CLCA2: variants seen among roughly 807,000 people sequenced by gnomAD.
The protein encoded by CLCA2 is calcium-activated chloride channel regulator 2.
CLCA2 carries 85 observed loss-of-function variants against 82.9 expected under a neutral mutation model. That is an observed-to-expected ratio of 1.03 (90% CI 0.86 to 1.23). The LOEUF (loss-of-function observed/expected upper bound fraction) is 1.23. Ranked by LOEUF, CLCA2 falls within the 50% of genes most tolerant of loss-of-function variation. The probability of loss-of-function intolerance (pLI) is 0.00; values close to 1 mark genes in which losing one functional copy is unlikely to be tolerated. For missense variants in CLCA2, 1,089 were observed against 1,124.8 expected, an observed-to-expected ratio of 0.97 and a Z score of 0.45; for synonymous variants, 421 against 391.7, an observed-to-expected ratio of 1.07 and a Z score of -0.88.
chr1:86,440,291 A>T lies in CLCA2; in HGVS notation c.1347A>T (p.Ala449=). ...ACTCCATTGCCCTGGGTTCATCTGC[A>T]GCCCCAAATCTGGAGGAATTATCAC... is the stretch of plus-strand genomic sequence containing the variant. The part of the protein sequence containing the change: ...TIHSIALGSS[A]APNLEELSRL... The change falls in exon 8 of 14, where the codon GCA becomes GCT. Residue 449 remains alanine, a synonymous_variant. Transcript: ENST00000370565. 4 of 1,614,092 alleles carry T rather than the reference A, an allele frequency of 2.5e-6. No homozygotes were observed. The highest frequency in any genetic ancestry group is 3.4e-6 in the Non-Finnish European group (4 of 1,180,000).
chr1:86,455,521 A>G lies in CLCA2; in HGVS notation c.2826A>G (p.Leu942=). ...ACAAGAAAGAGAATGGAACAAAATT[A>G]TTATAAATAAATATCCAAAGTGTCT... is the stretch of plus-strand genomic sequence containing the variant. ...RADKKENGTK[L]L Residue 942 remains leucine (L), a synonymous_variant, in exon 14 of 14, where the codon TTA becomes TTG. Coordinates refer to ENST00000370565, the MANE Select transcript of CLCA2 (RefSeq NM_006536.7). 1.4e-6 allele frequency: 2 copies of G among 1,471,268 alleles called. No homozygotes were observed. Among genetic ancestry groups the G allele is most frequent in the South Asian group, 1.6e-5 (1 of 63,308 alleles). 91.1% of individuals were successfully genotyped at this position (1,471,268 alleles called of 1,614,324 possible).
chr1:86,450,414 T>A, intron 11 of CLCA2, 149 bp from the exon 12 acceptor site: 1 of 542,118 alleles, frequency 1.8e-6, no homozygotes, highest in East Asian at 3.3e-5. Flanking sequence ...TTGGATTTTT[T>A]ATCACCTGAG....
Position 86,433,599 on chromosome 1 carries a change from T to C in CLCA2, c.745-919T>C, listed in dbSNP as rs577688290. Among the ~76,000 whole-genome samples, 30 of 152,350 alleles carry C rather than the reference T, an allele frequency of 2.0e-4. No homozygotes were observed. The South Asian group carries it at 4.3e-3, about 22-fold the overall frequency. ...TTTGAAAGACCTACTCATAAATATC[T>C]TGTCAGAAAAGTTTTACAATCCCAT... On this transcript the variant is annotated intron_variant, in intron 5 of 13. Coordinates refer to ENST00000370565, the MANE Select transcript of CLCA2 (RefSeq NM_006536.7).
chr1:86,445,356 C>CTTTTTTTTTTT (rs1190239314), intron 10 of CLCA2: 2 of 88,964 alleles, frequency 2.2e-5, no homozygotes, highest in African/African-American at 4.5e-5. Context: ...AAGTGTTAAC[C>CTTTTTTTTTTT]TTTTTTTTTT....
intron 13 of CLCA2, among the ~76,000 whole-genome samples, chr1:86,454,091 G>A (rs1413341302): frequency 2.0e-5 from 3 of 152,076 alleles, no homozygotes; most frequent in Non-Finnish European, 4.4e-5. Context: ...TCTTATTCTC[G>A]CTTGGGTAAA....
chr1:86,430,971 G>T lies in CLCA2; in HGVS notation c.584+1G>T, dbSNP rs1328495839. On this transcript the variant is annotated splice_donor_variant, in intron 4 of 13. Coordinates refer to ENST00000370565, the MANE Select transcript of CLCA2 (RefSeq NM_006536.7). LOFTEE classifies it high-confidence loss of function. ...GGCAAAATCAAATTAAAGTGACAAG[G>T]TTAGTACTTTTTTTCATGTTATAAT... 4 of 1,589,160 alleles carry T rather than the reference G, an allele frequency of 2.5e-6. No individual in the cohort carries two copies. The African/African-American group carries it at 4.0e-5, about 16-fold the overall frequency.
intron 2 of CLCA2, among the ~76,000 whole-genome samples, chr1:86,426,127 A>G (rs1662381224): frequency 6.6e-6 from 1 of 152,146 alleles, no homozygotes; most frequent in African/African-American, 2.4e-5. Context: ...TGTCTGGTAC[A>G]TACTAGTGTG....
chr1:86,453,356 T>C lies in CLCA2; in HGVS notation c.2156-13T>C, dbSNP rs769038089. The stretch of plus-strand genomic sequence containing the variant: ...ATTTGTCATTTTGCCTTTTTTTTTC[T>C]TTTTTGTCTCAGGTAATATTCAGAT... On this transcript the variant is annotated splice_polypyrimidine_tract_variant and intron_variant, in intron 12 of 13. Coordinates refer to ENST00000370565, the MANE Select transcript of CLCA2 (RefSeq NM_006536.7). The C allele has an allele frequency of 6.3e-7, 1 of 1,599,068 alleles. No individual in the cohort carries two copies. The highest frequency in any genetic ancestry group is 2.2e-5 in the East Asian group (1 of 44,806).
chr1:86,430,737 G>A, intron 3 of CLCA2, 125 bp from the exon 4 acceptor site: 1 of 720,946 alleles, frequency 1.4e-6, no homozygotes, highest in Non-Finnish European at 2.5e-6. Context: ...AGAGAGGGAA[G>A]TAACTTAAAC....
chr1:86,430,351 T>C (rs939579464), intron 3 of CLCA2, among the ~76,000 whole-genome samples: 4 of 152,168 alleles, frequency 2.6e-5, no homozygotes, highest in Admixed American at 6.5e-5. Flanking sequence ...TCTCCTTTTT[T>C]GCTCCTTCCT....
intron 13 of CLCA2, among the ~76,000 whole-genome samples, chr1:86,453,804 A>T (rs1203980207): frequency 6.6e-6 from 1 of 152,214 alleles, no homozygotes; most frequent in African/African-American, 2.4e-5. Context: ...ACTCACGGAT[A>T]CTAACCACTC....
chr1:86,431,870 T>C (rs751961154), intron 4 of CLCA2, among the ~76,000 whole-genome samples: 29 of 152,280 alleles, frequency 1.9e-4, no homozygotes, highest in Middle Eastern at 3.4e-3. Context: ...TAAAATAGAG[T>C]GCATTTCTAA....
intron 5 of CLCA2, among the ~76,000 whole-genome samples, chr1:86,434,108 G>T (rs534487695): frequency 6.6e-5 from 10 of 152,098 alleles, no homozygotes; most frequent in Non-Finnish European, 1.0e-4. Flanking sequence ...AACAAATAAA[G>T]GTGCAGTGGT....
chr1:86,432,564 A>T, intron 5 of CLCA2, 36 bp downstream of exon 5: 1 of 1,592,914 alleles, frequency 6.3e-7, no homozygotes, highest in Non-Finnish European at 8.6e-7. Context: ...CTCTTGCAGG[A>T]TTCCTTCTCT....
intron 10 of CLCA2, among the ~76,000 whole-genome samples, chr1:86,445,187 C>T (rs188092190): frequency 5.9e-5 from 9 of 152,026 alleles, no homozygotes; most frequent in Admixed American, 4.6e-4. Context: ...CATGAGCCAC[C>T]GCTCCCACCA....
In CLCA2 at chr1:86,430,965, G is replaced by T; in HGVS notation, c.579G>T (p.Val193=). ...FYINGQNQIK[V]TRCSSDITGI... is the part of the protein sequence containing the mutation. ...TAAATGGGCAAAATCAAATTAAAGTGACAAGGTTAGTACTTTTTTTCATGT... is the reference window on the plus strand; with the variant it reads ...TAAATGGGCAAAATCAAATTAAAGTTACAAGGTTAGTACTTTTTTTCATGT... Residue 193 remains valine, a synonymous_variant, in exon 4 of 14, where the codon GTG becomes GTT. Coordinates refer to ENST00000370565, the MANE Select transcript of CLCA2 (RefSeq NM_006536.7). The T allele has an allele frequency of 6.2e-7, 1 of 1,600,666 alleles. No homozygotes were observed. Among genetic ancestry groups the T allele is most frequent in the Non-Finnish European group, 8.6e-7 (1 of 1,168,818 alleles).
At chr1:86,427,110 C>T (rs563841954) in intron 2 of CLCA2, among the ~76,000 whole-genome samples, 26 of 152,250 alleles carry the variant, frequency 1.7e-4, no homozygotes, top group Admixed American at 5.2e-4. Flanking sequence ...AAGGTAGTTC[C>T]TGTCCTTCCA....
At chr1:86,452,550 C>T (rs527689032) in intron 12 of CLCA2, among the ~76,000 whole-genome samples, 6 of 152,254 alleles carry the variant, frequency 3.9e-5, no homozygotes, top group East Asian at 1.9e-4. Context: ...TCATCTCAAA[C>T]GACTCTCCTT....
chr1:86,453,239 A>G, intron 12 of CLCA2, 130 bp from the exon 13 acceptor site: 1 of 636,274 alleles, frequency 1.6e-6, no homozygotes, highest in South Asian at 2.0e-5. Context: ...AGTATTGTAC[A>G]AATACACTCA....
Sources: allele counts gnomAD v4.1 joint callset (sites outside exome capture counted in the v4.1 genomes callset), GRCh38; gene constraint gnomAD v4.1.1; transcripts MANE v1.5; gene names NCBI Gene and HGNC (gene_info 2026-07-23, HGNC 2026-07-21).